STK3: variants seen among roughly 807,000 people sequenced by gnomAD.
The protein encoded by STK3 is serine/threonine kinase 3, also known as serine/threonine-protein kinase 3.
Under a neutral mutation model 58.0 loss-of-function variants are expected in STK3, and 41 were observed. The observed-to-expected ratio is 0.71, with a 90% CI of 0.55 to 0.92. STK3 has a LOEUF of 0.92. Ranked by LOEUF, STK3 falls within the 40% of genes least tolerant of loss-of-function variation. The pLI is 0.00. For synonymous variants in STK3, 170 were observed against 191.0 expected, an observed-to-expected ratio of 0.89 and a Z score of 0.91; for missense variants, 479 against 602.7, an observed-to-expected ratio of 0.79 and a Z score of 2.15.
intron 10 of STK3, among the ~76,000 whole-genome samples, chr8:98,492,801 CCCTCT>C (rs1211843702): frequency 2.1e-4 from 32 of 152,292 alleles, no homozygotes; most frequent in African/African-American, 7.2e-4. Context: ...TAACACTTCT[CCCTCT>C]TCCTGTCCAG....
intron 7 of STK3, among the ~76,000 whole-genome samples, chr8:98,587,601 A>G (rs1814766788): frequency 1.3e-5 from 2 of 152,088 alleles, no homozygotes; most frequent in Admixed American, 6.5e-5. Flanking sequence ...AGTTCTGTAG[A>G]TGTCTATTAG....
intron 4 of STK3, among the ~76,000 whole-genome samples, chr8:98,743,338 T>C (rs1829374648): frequency 6.6e-6 from 1 of 150,680 alleles, no homozygotes; most frequent in South Asian, 2.1e-4. Flanking sequence ...CAAACTATAC[T>C]ACAAGGCTAC....
chr8:98,732,432 T>C (rs1439752066), intron 4 of STK3, among the ~76,000 whole-genome samples: 2 of 151,996 alleles, frequency 1.3e-5, no homozygotes, highest in Non-Finnish European at 2.9e-5. Context: ...ACACTAGATG[T>C]TAGAAGATAA....
intron 3 of STK3, among the ~76,000 whole-genome samples, chr8:98,831,058 T>C (rs1835517981): frequency 6.6e-6 from 1 of 152,084 alleles, no homozygotes; most frequent in South Asian, 2.1e-4. Flanking sequence ...ATATACACTT[T>C]AATTATACTA....
intron 10 of STK3, among the ~76,000 whole-genome samples, chr8:98,502,268 T>G (rs1294687657): frequency 4.0e-5 from 6 of 151,308 alleles, no homozygotes; most frequent in African/African-American, 7.3e-5. Flanking sequence ...ATCCTGAGAT[T>G]TTGCTGAAGT....
At chr8:98,495,942 G>A (rs1286336046) in intron 10 of STK3, among the ~76,000 whole-genome samples, 1 of 152,102 alleles carries the variant, frequency 6.6e-6, no homozygotes, top group African/African-American at 2.4e-5. Context: ...CCAGAACTTT[G>A]TAAAAACTCA....
chr8:98,398,897 C>T (rs2131022971), downstream of STK3, among the ~76,000 whole-genome samples: 1 of 152,314 alleles, frequency 6.6e-6, no homozygotes, highest in East Asian at 1.9e-4. Flanking sequence ...GTGAGTTCAT[C>T]AACAGGTAAC....
intron 1 of STK3, among the ~76,000 whole-genome samples, chr8:98,884,297 A>G (rs1837902076): frequency 6.6e-6 from 1 of 152,050 alleles, no homozygotes; most frequent in Non-Finnish European, 1.5e-5. Context: ...GTCTATTTTT[A>G]TTTATTGCTC....
intron 6 of STK3, among the ~76,000 whole-genome samples, chr8:98,681,496 G>A (rs1013782690): frequency 2.0e-5 from 3 of 152,030 alleles, no homozygotes; most frequent in African/African-American, 7.3e-5. Context: ...CTATCTGGTG[G>A]TCCTGACCTT....
At chr8:98,886,186 T>TAC (rs564939460) in intron 1 of STK3, among the ~76,000 whole-genome samples, 56 of 151,630 alleles carry the variant, frequency 3.7e-4, no homozygotes, top group Admixed American at 1.9e-3. Flanking sequence ...TATGTACACA[T>TAC]ACACACACAC....
At chr8:98,916,615 G>A (rs1839357393) in intron 1 of STK3, among the ~76,000 whole-genome samples, 1 of 152,074 alleles carries the variant, frequency 6.6e-6, no homozygotes, top group Non-Finnish European at 1.5e-5. Context: ...GTTATTGAGA[G>A]GACCACATGA....
intron 3 of STK3, among the ~76,000 whole-genome samples, chr8:98,403,385 A>C (rs1252086133): frequency 6.6e-6 from 1 of 152,180 alleles, no homozygotes; most frequent in Non-Finnish European, 1.5e-5. Context: ...CTGGTGTTTT[A>C]ATTGGGAGGT....
At chr8:98,725,217 C>T (rs993265845) in intron 4 of STK3, among the ~76,000 whole-genome samples, 11 of 151,908 alleles carry the variant, frequency 7.2e-5, no homozygotes, top group Non-Finnish European at 1.2e-4. Flanking sequence ...AAATGAAAAA[C>T]GGTAAGGTAT....
chr8:98,502,451 G>C (rs1823684179), intron 10 of STK3, among the ~76,000 whole-genome samples: 1 of 152,136 alleles, frequency 6.6e-6, no homozygotes, highest in African/African-American at 2.4e-5. Flanking sequence ...TGTTGAATAG[G>C]AGTGGTAAGA....
intron 10 of STK3, among the ~76,000 whole-genome samples, chr8:98,512,686 AC>A (rs1824610105): frequency 6.6e-6 from 1 of 152,166 alleles, no homozygotes; most frequent in Non-Finnish European, 1.5e-5. Context: ...GGTCCTATGT[AC>A]CCAGGGCCAC....
chr8:98,565,378 G>T (rs929515317), intron 8 of STK3, among the ~76,000 whole-genome samples: 2 of 151,948 alleles, frequency 1.3e-5, no homozygotes, highest in Non-Finnish European at 2.9e-5. Context: ...AAATCCCAAA[G>T]AATCATGTTT....
At chr8:98,644,030 A>C (rs113869382) in intron 6 of STK3, among the ~76,000 whole-genome samples, 2,725 of 152,250 alleles carry the variant, frequency 0.018, 76 homozygotes, top group African/African-American at 0.063. Context: ...TAATAATAAC[A>C]ACCACAATAA....
At chr8:98,884,960 G>A (rs1392017856) in intron 1 of STK3, among the ~76,000 whole-genome samples, 1 of 152,192 alleles carries the variant, frequency 6.6e-6, no homozygotes, top group Non-Finnish European at 1.5e-5. Flanking sequence ...AAAACTCAAA[G>A]AACACTGCAA....
chr8:98,914,467 C>CAT (rs1839265528), intron 1 of STK3, among the ~76,000 whole-genome samples: 1 of 123,066 alleles, frequency 8.1e-6, no homozygotes, highest in Non-Finnish European at 1.8e-5. Context: ...TGCCTACACA[C>CAT]ACACACACAC....
Sources: gnomAD v4.1 joint callset for allele counts (sites outside exome capture counted in the v4.1 genomes callset) on GRCh38, gnomAD v4.1.1 for gene constraint, MANE v1.5 for transcripts, NCBI Gene and HGNC (gene_info 2026-07-23, HGNC 2026-07-21) for gene names.